The following PCMTD2 variants were observed in gnomAD, a reference collection of about 807,000 sequenced individuals.
PCMTD2 encodes the protein protein-L-isoaspartate O-methyltransferase domain-containing protein 2.
In PCMTD2, 16 loss-of-function variants were observed where a neutral mutation model predicts 33.4. That is an observed-to-expected ratio of 0.48 (90% CI 0.32 to 0.73). The LOEUF is 0.73. Ranked by LOEUF, PCMTD2 falls within the 30% of genes least tolerant of loss-of-function variation. The pLI is 0.03. For missense variants in PCMTD2, 374 were observed against 449.9 expected (o/e 0.83, Z 1.53); for synonymous variants, 161 against 160.8 (o/e 1.00, Z -0.01).
At chr20:64,260,712 T>G (rs1985377742) in intron 2 of PCMTD2, among the ~76,000 whole-genome samples, 1 of 148,608 alleles carries the variant, frequency 6.7e-6, no homozygotes, top group Admixed American at 6.6e-5. Flanking sequence ...GTTGGTTTTT[T>G]TTTTTTTTTT....
chr20:64,256,559 A>G (rs746922144), intron 1 of PCMTD2: 1 of 152,232 alleles, frequency 6.6e-6, no homozygotes, highest in Non-Finnish European at 1.5e-5. Flanking sequence ...GGGAATGGCT[A>G]AACAGCTCCT....
At chr20:64,260,361 C>G in intron 2 of PCMTD2, 89 bp downstream of exon 2, 3 of 907,470 alleles carry the variant, frequency 3.3e-6, no homozygotes, top group South Asian at 1.5e-5. Context: ...TAATGGCCTG[C>G]CTGGGTCGAG....
At position 64,273,743 on chromosome 20, in the gene PCMTD2, C is replaced by CTTT. The variant is rs1986009249; in HGVS notation, c.*144_*145insTTT. Reference sequence around the variant, plus strand: ...GGCTCATCCACACCATGGTTTTCTTCTAGTTCCTGATTGACCTCTAAAATT... The same window carrying CTTT: ...GGCTCATCCACACCATGGTTTTCTTCTTTTAGTTCCTGATTGACCTCTAAAATT... On this transcript the variant is annotated 3_prime_UTR_variant, in exon 6 of 6. Coordinates refer to ENST00000308824, the MANE Select transcript of PCMTD2 (RefSeq NM_018257.3). 1.7e-6 allele frequency: 1 copy of CTTT among 584,782 alleles called. No individual in the cohort carries two copies. Among genetic ancestry groups the CTTT allele is most frequent in the African/African-American group, 1.9e-5 (1 of 53,424 alleles). The allele number at this position is 584,782 out of a possible 1,614,324, so 36.2% of individuals were successfully genotyped here.
intron 1 of PCMTD2, among the ~76,000 whole-genome samples, chr20:64,258,549 CTA>C (rs1177028918): frequency 3.9e-5 from 6 of 152,244 alleles, no homozygotes; most frequent in South Asian, 2.1e-4. Context: ...TTGTAAGAAA[CTA>C]TGTGATTATT....
In PCMTD2 at chr20:64,274,337, TA is replaced by T. The variant is rs1323892081; in HGVS notation, c.*741del. ...TTTTTAGGACATCTTTTGATACCTT[TA>T]AAAGAACCACTGTCAAGTAATCCTT... On this transcript the variant is annotated 3_prime_UTR_variant, in exon 6 of 6. Coordinates refer to ENST00000308824, the MANE Select transcript of PCMTD2 (RefSeq NM_018257.3). 2 of 151,902 alleles carry T rather than the reference TA, an allele frequency of 1.3e-5. No homozygotes were observed. The highest frequency in any genetic ancestry group is 6.6e-5 in the Admixed American group (1 of 15,244). 9.4% of individuals were successfully genotyped at this position (151,902 alleles called of 1,614,324 possible). A position where few individuals can be genotyped will look rare whatever the true frequency, so the allele number is the denominator to read the frequency against.
intron 5 of PCMTD2, 31 bp downstream of exon 5, chr20:64,268,041 T>C (rs73149703): frequency 0.021 from 31,381 of 1,516,634 alleles, 430 homozygotes; most frequent in Non-Finnish European, 0.025. Context: ...TTATTTTATC[T>C]TTTAGATCTT....
chr20:64,256,046 C>G (rs1237186611), intron 1 of PCMTD2, 176 bp downstream of exon 1: 1 of 152,356 alleles, frequency 6.6e-6, no homozygotes, highest in African/African-American at 2.4e-5. Flanking sequence ...CCAGCGGCCT[C>G]CAGGGCGTCC....
At chr20:64,260,519 C>T (rs1985366351) in intron 2 of PCMTD2, among the ~76,000 whole-genome samples, 1 of 152,146 alleles carries the variant, frequency 6.6e-6, no homozygotes, top group Non-Finnish European at 1.5e-5. Context: ...CCTGTGCTGC[C>T]ACAGCCTGTA....
At chr20:64,256,228 C>T (rs1036729131) in intron 1 of PCMTD2, among the ~76,000 whole-genome samples, 2 of 152,206 alleles carry the variant, frequency 1.3e-5, no homozygotes, top group African/African-American at 4.8e-5. Context: ...AGAACAAAGT[C>T]TGCCTTGGAC....
At chr20:64,265,147 TA>T in intron 3 of PCMTD2, 110 bp from the exon 4 acceptor site, 3 of 675,298 alleles carry the variant, frequency 4.4e-6, no homozygotes, top group Non-Finnish European at 4.9e-6. Flanking sequence ...CCTCACACTG[TA>T]AACTGTGTTA....
intron 1 of PCMTD2, among the ~76,000 whole-genome samples, chr20:64,259,159 T>C (rs147221344): frequency 3.3e-4 from 50 of 152,326 alleles, no homozygotes; most frequent in Non-Finnish European, 4.9e-4. Flanking sequence ...ACTTAAACTT[T>C]AGCCAGGAAG....
At chr20:64,261,920 A>G (rs1459576873) in intron 2 of PCMTD2, among the ~76,000 whole-genome samples, 1 of 152,222 alleles carries the variant, frequency 6.6e-6, no homozygotes, top group Non-Finnish European at 1.5e-5. Flanking sequence ...GAAATACTAT[A>G]GGAAAGAGCC....
In PCMTD2 at chr20:64,275,213, C is replaced by T. The variant is rs1986061979; in HGVS notation, c.*1613C>T. 6.6e-6 allele frequency: 1 copy of T among 152,012 alleles called. No individual in the cohort carries two copies. The highest frequency in any genetic ancestry group is 1.5e-5 in the Non-Finnish European group (1 of 67,968). The allele number at this position is 152,012 out of a possible 1,614,324, so 9.4% of individuals were successfully genotyped here. A position where few individuals can be genotyped will look rare whatever the true frequency, so the allele number is the denominator to read the frequency against. The stretch of plus-strand genomic sequence containing the variant: ...AGTTCATAGTTGTTGCCTTTTAACT[C>T]ATAGTCAAGCTTCAGTCTTTCAAAG... On this transcript the variant is annotated 3_prime_UTR_variant, in exon 6 of 6. Transcript: ENST00000308824.
At chr20:64,257,018 CT>C (rs1985195223) in intron 1 of PCMTD2, 2 of 152,208 alleles carry the variant, frequency 1.3e-5, no homozygotes, top group Admixed American at 1.3e-4. Flanking sequence ...AAAAAAGTCC[CT>C]TTGCATTGCT....
At chr20:64,267,227 A>C (rs914252689) in intron 4 of PCMTD2, among the ~76,000 whole-genome samples, 2 of 152,208 alleles carry the variant, frequency 1.3e-5, no homozygotes, top group African/African-American at 4.8e-5. Flanking sequence ...ACTTTAATTC[A>C]AAAGAAATGT....
Position 64,273,433 on chromosome 20 carries a change from G to T in PCMTD2, c.919G>T (p.Asp307Tyr), listed in dbSNP as rs761039003. The change falls in exon 6 of 6, where the codon GAT (aspartate) becomes TAT (tyrosine). Residue 307 changes from aspartate to tyrosine, a missense_variant. By Grantham distance (160) the Asp-to-Tyr change is radical. Transcript: ENST00000308824. ...TGCCAGTCGGATTTCCAACCCCTCA[G>T]ATGACAACAGCTGTGAAGACTTGGA... ...VFASRISNPS[D>Y]DNSCEDLEEE... The T allele has an allele frequency of 6.2e-7, 1 of 1,613,990 alleles. No individual in the cohort carries two copies. Among genetic ancestry groups the T allele is most frequent in the African/African-American group, 1.3e-5 (1 of 74,896 alleles).
chr20:64,263,825 C>G (rs765880912), intron 2 of PCMTD2, among the ~76,000 whole-genome samples: 1 of 152,150 alleles, frequency 6.6e-6, no homozygotes, highest in East Asian at 1.9e-4. Context: ...AGTGGATTCC[C>G]GCAACAGAGA....
At chr20:64,264,390 C>G in intron 2 of PCMTD2, 39 bp from the exon 3 acceptor site, 1 of 986,942 alleles carries the variant, frequency 1.0e-6, no homozygotes, top group Non-Finnish European at 1.6e-6. Flanking sequence ...AGAGTTCTTA[C>G]TCTGGTTCTA....
chr20:64,259,621 C>T (rs950579326), intron 1 of PCMTD2, among the ~76,000 whole-genome samples: 7 of 152,038 alleles, frequency 4.6e-5, no homozygotes, highest in African/African-American at 1.7e-4. Context: ...AACTCCTGAC[C>T]TCAGGTGATC....
Sources: allele counts gnomAD v4.1 joint callset (sites outside exome capture counted in the v4.1 genomes callset), GRCh38; gene constraint gnomAD v4.1.1; transcripts MANE v1.5; gene names NCBI Gene and HGNC (gene_info 2026-07-23, HGNC 2026-07-21).